INTS6: variants seen among roughly 807,000 people sequenced by gnomAD.
INTS6 encodes DEAD box protein.
Under a neutral mutation model 104.9 loss-of-function variants are expected in INTS6, and 16 were observed. That is an observed-to-expected ratio of 0.15 (90% CI 0.10 to 0.23). INTS6 has a LOEUF of 0.23. Ranked by LOEUF, INTS6 falls within the 10% of genes least tolerant of loss-of-function variation. The pLI is 1.00. For synonymous variants in INTS6, 324 were observed against 358.7 expected, an observed-to-expected ratio of 0.90 and a Z score of 1.09; for missense variants, 584 against 1,062.8, an observed-to-expected ratio of 0.55 and a Z score of 6.26.
At chr13:51,349,294 CAA>C (rs1955383105), downstream of INTS6, among the ~76,000 whole-genome samples, 1 of 152,116 alleles carries the variant, frequency 6.6e-6, no homozygotes, top group Non-Finnish European at 1.5e-5. Context: ...GGAAAAAATA[CAA>C]AGAGAGACCC....
chr13:51,395,866 T>C (rs1956326896), intron 4 of INTS6, among the ~76,000 whole-genome samples: 1 of 152,192 alleles, frequency 6.6e-6, no homozygotes, highest in Admixed American at 6.5e-5. Flanking sequence ...GGCACGATCT[T>C]GGCTCATTGC....
intron 3 of INTS6, 150 bp downstream of exon 3, chr13:51,450,875 G>A (rs1385553501): frequency 3.1e-6 from 4 of 1,275,138 alleles, no homozygotes; most frequent in African/African-American, 1.5e-5. Flanking sequence ...ATATAGTAGG[G>A]TAAGAGTTTT....
the INTS6 span, among the ~76,000 whole-genome samples, chr13:51,338,537 G>A: frequency 6.6e-6 from 1 of 152,128 alleles, no homozygotes; most frequent in Middle Eastern, 3.2e-3. Flanking sequence ...ATGGATTGAT[G>A]GATGCATGGA....
At chr13:51,450,189 C>T (rs1953006178) in intron 3 of INTS6, 2 of 984,904 alleles carry the variant, frequency 2.0e-6, no homozygotes, top group Non-Finnish European at 2.4e-6. Flanking sequence ...AACTGAGCTC[C>T]TTGGAAATAA....
At chr13:51,428,663 T>C (rs1468559042) in intron 4 of INTS6, among the ~76,000 whole-genome samples, 1 of 151,984 alleles carries the variant, frequency 6.6e-6, no homozygotes, top group Admixed American at 6.6e-5. Flanking sequence ...ATAATCCACG[T>C]CTACCTGTTT....
In INTS6 at chr13:51,374,744, G is replaced by A; in HGVS notation, c.1782C>T (p.Leu594=). Residue 594 remains leucine, a synonymous_variant, in exon 14 of 18, where the codon CTC becomes CTT. Transcript: ENST00000311234. ...CTCTTAGTGGAGAAGGTACTTGCTT[G>A]AGGTATTCCTGGTAGTTCCCCATTT... is the stretch of plus-strand genomic sequence containing the variant. ...IAQMGNYQEY[L]KQVPSPLREL... is the part of the protein sequence containing the mutation. 6.2e-7 allele frequency: 1 copy of A among 1,613,528 alleles called. No homozygotes were observed. The highest frequency in any genetic ancestry group is 8.5e-7 in the Non-Finnish European group (1 of 1,179,910).
chr13:51,439,529 T>C (rs1441736352), intron 3 of INTS6: 1 of 152,150 alleles, frequency 6.6e-6, no homozygotes, highest in African/African-American at 2.4e-5. Context: ...TTCCTAGGCC[T>C]ATCCTATTAT....
chr13:51,393,175 T>G (rs541720518), intron 5 of INTS6, among the ~76,000 whole-genome samples: 1 of 151,160 alleles, frequency 6.6e-6, no homozygotes, highest in Admixed American at 6.6e-5. Context: ...CCTCCTGCGC[T>G]CAAGCAATTC....
chr13:51,414,523 G>A (rs529186793), intron 4 of INTS6, among the ~76,000 whole-genome samples: 6 of 152,034 alleles, frequency 3.9e-5, no homozygotes, highest in African/African-American at 7.2e-5. Flanking sequence ...AAATCTTTCC[G>A]TGATTTAATA....
chr13:51,435,664 C>T (rs181633096), intron 3 of INTS6, among the ~76,000 whole-genome samples: 3 of 152,054 alleles, frequency 2.0e-5, no homozygotes, highest in African/African-American at 4.8e-5. Flanking sequence ...TATAAACTAA[C>T]CTGATCTCAG....
In INTS6 at chr13:51,404,103, C is replaced by CAG. The variant is rs376831870; in HGVS notation, c.430-8622_430-8621dup. ...ACACACACACACACACACACACACA[C>CAG]AGAGAGAGAGAGAGAGAGAGACAAC... On this transcript the variant is annotated intron_variant, in intron 4 of 17. Transcript: ENST00000311234. Among the ~76,000 whole-genome samples, 637 of 103,900 alleles carry CAG rather than the reference C, an allele frequency of 6.1e-3. 11 individuals carry two copies. Among genetic ancestry groups the CAG allele is most frequent in the African/African-American group, 0.016 (412 of 25,392 alleles). 68.2% of individuals were successfully genotyped at this position (103,900 alleles called of 152,430 possible).
chr13:51,446,355 G>T (rs1056775168), intron 3 of INTS6: 1 of 152,118 alleles, frequency 6.6e-6, no homozygotes, highest in African/African-American at 2.4e-5. Context: ...ACCACAATGA[G>T]ATACGACCTC....
At chr13:51,444,946 A>G (rs564031157) in intron 3 of INTS6, 1 of 152,210 alleles carries the variant, frequency 6.6e-6, no homozygotes, top group South Asian at 2.1e-4. Flanking sequence ...CATTTAAATT[A>G]TACCACCATT....
At chr13:51,429,501 C>T (rs904927640) in intron 4 of INTS6, among the ~76,000 whole-genome samples, 1 of 151,962 alleles carries the variant, frequency 6.6e-6, no homozygotes, top group Non-Finnish European at 1.5e-5. Flanking sequence ...TGCAGTGGCT[C>T]ACACCTGTAA....
At chr13:51,450,853 G>A (rs1953027584) in intron 3 of INTS6, 172 bp downstream of exon 3, 33 of 1,228,340 alleles carry the variant, frequency 2.7e-5, no homozygotes, top group Admixed American at 4.2e-5. Context: ...AAAAATGAGG[G>A]ATGTAAAATA....
Position 51,361,844 on chromosome 13 carries a change from T to C in INTS6, c.*3908A>G, listed in dbSNP as rs988523160. The C allele has an allele frequency of 1.2e-6, 2 of 1,611,190 alleles. No individual in the cohort carries two copies. Among genetic ancestry groups the C allele is most frequent in the Non-Finnish European group, 1.7e-6 (2 of 1,178,544 alleles). On this transcript the variant is annotated 3_prime_UTR_variant, in exon 18 of 18. Coordinates refer to ENST00000311234, the MANE Select transcript of INTS6 (RefSeq NM_012141.3). Reference sequence around the variant, plus strand: ...TATTGAAAAGGTCTCGGATTCCTATTTTTAAAGCAGATCGGCCATTCATCT... The same window carrying C: ...TATTGAAAAGGTCTCGGATTCCTATCTTTAAAGCAGATCGGCCATTCATCT...
Position 51,445,305 on chromosome 13 carries a change from C to T in INTS6, c.339+5720G>A, listed in dbSNP as rs555168427. On this transcript the variant is annotated intron_variant, in intron 3 of 17. Transcript: ENST00000311234. ...AAGTTATATTAATTTTCTTTCACAC[C>T]TGCTTTTCTGGGATACAATACAAAG... 3 of 152,118 alleles carry T rather than the reference C, an allele frequency of 2.0e-5. No individual in the cohort carries two copies. In the South Asian group the frequency reaches 6.2e-4, roughly 32 times the overall value. 9.4% of individuals were successfully genotyped at this position (152,118 alleles called of 1,614,324 possible).
At chr13:51,343,247 T>C in the INTS6 span, among the ~76,000 whole-genome samples, 4 of 152,106 alleles carry the variant, frequency 2.6e-5, no homozygotes, top group South Asian at 4.1e-4. Flanking sequence ...GGAGGGTTTG[T>C]AGATAACTGC....
At chr13:51,450,403 AT>A (rs1482728805) in intron 3 of INTS6, 1 of 985,166 alleles carries the variant, frequency 1.0e-6, no homozygotes, top group Non-Finnish European at 1.2e-6. Flanking sequence ...GTTCTTTCAT[AT>A]TTTCCAGCAG....
Sources: gnomAD v4.1 joint callset for allele counts (sites outside exome capture counted in the v4.1 genomes callset) on GRCh38, gnomAD v4.1.1 for gene constraint, MANE v1.5 for transcripts, NCBI Gene and HGNC (gene_info 2026-07-23, HGNC 2026-07-21) for gene names.